The following C10orf90 variants were observed in gnomAD, a reference collection of about 807,000 sequenced individuals.
The protein encoded by C10orf90 is chromosome 10 open reading frame 90.
In C10orf90, 56 loss-of-function variants were observed where a neutral mutation model predicts 62.5. The ratio of observed to expected loss-of-function variants is 0.90; its 90% CI spans 0.72 to 1.12. The LOEUF is 1.12. Ranked by LOEUF, C10orf90 falls within the 50% of genes most tolerant of loss-of-function variation. The pLI is 0.00. For missense variants in C10orf90, 970 were observed against 880.4 expected (o/e 1.10, Z -1.29); for synonymous variants, 386 against 340.4 (o/e 1.13, Z -1.47).
At chr10:126,659,766 G>GA (rs1433062356) in intron 1 of C10orf90, among the ~76,000 whole-genome samples, 1 of 152,218 alleles carries the variant, frequency 6.6e-6, no homozygotes, top group African/African-American at 2.4e-5. Flanking sequence ...TGTGATCACT[G>GA]AAAAATGAGT....
intron 2 of C10orf90, among the ~76,000 whole-genome samples, chr10:126,588,358 C>T (rs1385212061): frequency 6.6e-6 from 1 of 152,220 alleles, no homozygotes; most frequent in Non-Finnish European, 1.5e-5. Flanking sequence ...TAAGCAGGTC[C>T]CTGATCCCAT....
At position 126,524,400 on chromosome 10, in the gene C10orf90, C is replaced by A. The variant is rs562720489; in HGVS notation, c.314-10461G>T. 14 of 153,666 alleles carry A rather than the reference C, an allele frequency of 9.1e-5. No homozygotes were observed. The South Asian group carries it at 2.7e-3, about 29-fold the overall frequency. 9.5% of individuals were successfully genotyped at this position (153,666 alleles called of 1,614,324 possible). Reference sequence around the variant, plus strand: ...ATATGCCAGGAAGAGGAGGCACTCTCCTCTCAGAAAGATTTCAGAGCTGGG... The same window carrying A: ...ATATGCCAGGAAGAGGAGGCACTCTACTCTCAGAAAGATTTCAGAGCTGGG... On this transcript the variant is annotated intron_variant, in intron 2 of 9. Coordinates refer to ENST00000488181, the MANE Select transcript of C10orf90 (RefSeq NM_001350921.2).
At chr10:126,535,516 C>CAAAAA (rs35841777) in intron 2 of C10orf90, among the ~76,000 whole-genome samples, 62 of 132,050 alleles carry the variant, frequency 4.7e-4, no homozygotes, top group African/African-American at 1.7e-3. Context: ...GACGCTGTCT[C>CAAAAA]AAAAAAAAAA....
chr10:126,521,267 G>A, intron 2 of C10orf90: 1 of 1,608,680 alleles, frequency 6.2e-7, no homozygotes, highest in African/African-American at 1.3e-5. Flanking sequence ...TTTTAATAAG[G>A]GTTATATCTG....
chr10:126,481,411 G>A (rs1318281689), intron 4 of C10orf90, among the ~76,000 whole-genome samples: 1 of 152,238 alleles, frequency 6.6e-6, no homozygotes, highest in African/African-American at 2.4e-5. Flanking sequence ...CATTTGTCAA[G>A]TGACTTATAT....
chr10:126,577,348 T>C (rs1423192100), intron 2 of C10orf90, among the ~76,000 whole-genome samples: 1 of 151,748 alleles, frequency 6.6e-6, no homozygotes, highest in Non-Finnish European at 1.5e-5. Flanking sequence ...TTTCTGGATG[T>C]AAAAGACCAG....
At chr10:126,658,083 A>G (rs1354320179) in intron 1 of C10orf90, among the ~76,000 whole-genome samples, 1 of 152,212 alleles carries the variant, frequency 6.6e-6, no homozygotes, top group Non-Finnish European at 1.5e-5. Context: ...GAGTTCAGGA[A>G]GATGCACAGT....
chr10:126,556,449 G>GA (rs1160703186), intron 2 of C10orf90, among the ~76,000 whole-genome samples: 1 of 152,110 alleles, frequency 6.6e-6, no homozygotes. Flanking sequence ...AGTGATCCTT[G>GA]AAATTATATT....
At chr10:126,451,779 A>C (rs1163620783) in intron 7 of C10orf90, among the ~76,000 whole-genome samples, 1 of 152,146 alleles carries the variant, frequency 6.6e-6, no homozygotes, top group African/African-American at 2.4e-5. Flanking sequence ...CATCTGCAAC[A>C]CCAGAGATGA....
chr10:126,516,094 GCTGA>G (rs755145345), intron 2 of C10orf90, among the ~76,000 whole-genome samples: 3 of 152,216 alleles, frequency 2.0e-5, no homozygotes, highest in Non-Finnish European at 4.4e-5. Flanking sequence ...GTCAACACAG[GCTGA>G]GGCTAGACAG....
chr10:126,621,469 G>A (rs779610606), intron 2 of C10orf90, among the ~76,000 whole-genome samples: 16 of 152,176 alleles, frequency 1.1e-4, no homozygotes, highest in Non-Finnish European at 2.1e-4. Context: ...CATATCGTTG[G>A]TGGCTGGTAA....
intron 7 of C10orf90, among the ~76,000 whole-genome samples, chr10:126,442,905 A>G (rs1193633845): frequency 1.3e-5 from 2 of 151,940 alleles, no homozygotes; most frequent in Non-Finnish European, 2.9e-5. Context: ...CTGCTCCTGG[A>G]TGAGCATTGG....
chr10:126,445,399 A>G (rs752295620), intron 7 of C10orf90, among the ~76,000 whole-genome samples: 26 of 152,230 alleles, frequency 1.7e-4, no homozygotes, highest in Non-Finnish European at 3.4e-4. Context: ...AATGGCCAAC[A>G]AACATATGAA....
intron 5 of C10orf90, among the ~76,000 whole-genome samples, chr10:126,462,286 C>G (rs1710643833): frequency 1.3e-5 from 2 of 152,250 alleles, no homozygotes; most frequent in African/African-American, 2.4e-5. Flanking sequence ...AGCCCCACTA[C>G]TTGCCTCACT....
chr10:126,577,870 G>A (rs1006186021), intron 2 of C10orf90, among the ~76,000 whole-genome samples: 10 of 152,046 alleles, frequency 6.6e-5, no homozygotes, highest in African/African-American at 1.9e-4. Context: ...ATGCAATACC[G>A]TAATGTAATG....
chr10:126,501,588 A>C lies in C10orf90; in HGVS notation c.1534+2369T>G, dbSNP rs186506504. 2.0e-5 allele frequency among the ~76,000 whole-genome samples: 3 copies of C among 152,180 alleles called. No individual in the cohort carries two copies. In the East Asian group the frequency reaches 5.8e-4, roughly 29 times the overall value. ...CTTGATGGGACCTCGAAAACACCCA[A>C]TCTACCCCCTGCTCTAGTTACCCAG... On this transcript the variant is annotated intron_variant, in intron 4 of 9. Transcript: ENST00000488181.
intron 2 of C10orf90, among the ~76,000 whole-genome samples, chr10:126,522,564 A>T (rs1225663986): frequency 6.6e-6 from 1 of 152,242 alleles, no homozygotes; most frequent in East Asian, 1.9e-4. Context: ...CCGTCATGTC[A>T]TAATGGCTAA....
intron 1 of C10orf90, among the ~76,000 whole-genome samples, chr10:126,651,785 A>C (rs1482450201): frequency 2.0e-5 from 3 of 152,222 alleles, no homozygotes; most frequent in Non-Finnish European, 4.4e-5. Flanking sequence ...CTTGGATCCC[A>C]AGAAGGCAAA....
chr10:126,552,996 C>T (rs1007599571), intron 2 of C10orf90, among the ~76,000 whole-genome samples: 11 of 152,132 alleles, frequency 7.2e-5, no homozygotes, highest in East Asian at 1.9e-4. Flanking sequence ...CCCTGCTTCC[C>T]ATCATAAACA....
Sources: allele counts gnomAD v4.1 joint callset (sites outside exome capture counted in the v4.1 genomes callset), GRCh38; gene constraint gnomAD v4.1.1; transcripts MANE v1.5; gene names NCBI Gene and HGNC (gene_info 2026-07-23, HGNC 2026-07-21).